The following ABCG2 variants were observed in gnomAD, a reference collection of about 807,000 sequenced individuals.
ABCG2 encodes the protein broad substrate specificity ATP-binding cassette transporter ABCG2.
ABCG2 carries 80 observed loss-of-function variants against 73.5 expected under a neutral mutation model. The observed-to-expected ratio is 1.09, with a 90% confidence interval of 0.91 to 1.31. The LOEUF is 1.31. ABCG2 is among the 50% of genes most tolerant of loss of function. ABCG2 has a pLI of 0.00. For synonymous variants in ABCG2, 269 were observed against 282.4 expected, an observed-to-expected ratio of 0.95 and a Z score of 0.48; for missense variants, 796 against 786.2, an observed-to-expected ratio of 1.01 and a Z score of -0.15.
At chr4:88,192,183 G>A (rs1455299669) in intron 1 of ABCG2, among the ~76,000 whole-genome samples, 12 of 142,690 alleles carry the variant, frequency 8.4e-5, no homozygotes, top group African/African-American at 1.3e-4. Flanking sequence ...TCTGTGTCAA[G>A]AAAAAAAAAA....
Position 88,147,027 on chromosome 4 carries a change from A to AAGAAAGAAAGAAAGAAAGAAAGAC in ABCG2, c.-19-7014_-19-7013insGTCTTTCTTTCTTTCTTTCTTTCT, listed in dbSNP as rs1726082174. 2.0e-5 allele frequency among the ~76,000 whole-genome samples: 3 copies of AAGAAAGAAAGAAAGAAAGAAAGAC among 151,274 alleles called. No individual in the cohort carries two copies. In the South Asian group the frequency reaches 6.3e-4, roughly 32 times the overall value. On this transcript the variant is annotated intron_variant, in intron 1 of 15. Transcript: ENST00000237612. ...AAAGAGAAAGAAAAGGAAAGAAAGA[A>AAGAAAGAAAGAAAGAAAGAAAGAC]AGAAAGAAAGAAAGAAAGAAAAGAA...
chr4:88,100,865 TA>T (rs1722359466), intron 11 of ABCG2, among the ~76,000 whole-genome samples: 1 of 152,132 alleles, frequency 6.6e-6, no homozygotes, highest in Non-Finnish European at 1.5e-5. Context: ...CAGTATTTAC[TA>T]AAAACAAAAT....
chr4:88,119,501 G>A (rs895933599), intron 6 of ABCG2, among the ~76,000 whole-genome samples: 3 of 152,240 alleles, frequency 2.0e-5, no homozygotes, highest in South Asian at 2.1e-4. Flanking sequence ...GAGACTTGTT[G>A]ATTGGCTTTG....
rs200473953 is a variant in ABCG2 at position 88,118,166 on chromosome 4, C to A, written c.784G>T (p.Gly262Ter). The A allele has an allele frequency of 4.4e-5, 71 of 1,614,012 alleles. No individual in the cohort carries two copies. The highest frequency in any genetic ancestry group is 5.6e-5 in the Non-Finnish European group (66 of 1,180,018). Residue 262 changes from glycine to a stop codon, truncating the protein, a stop_gained, in exon 7 of 16, where the codon GGA becomes TGA. Coordinates refer to ENST00000237612, the MANE Select transcript of ABCG2 (RefSeq NM_004827.3). LOFTEE classifies it high-confidence loss of function. Reference sequence around the variant, plus strand: ...GCAGGCCCGTGGAACATAAGTCTTCCTGAGGCCAATAAGGTGAGGCTATCA... The same window carrying A: ...GCAGGCCCGTGGAACATAAGTCTTCATGAGGCCAATAAGGTGAGGCTATCA... ...LFDSLTLLAS[G>*]RLMFHGPAQE...
chr4:88,100,276 G>A (rs1340379727), intron 11 of ABCG2, among the ~76,000 whole-genome samples: 2 of 151,894 alleles, frequency 1.3e-5, no homozygotes, highest in Non-Finnish European at 1.5e-5. Context: ...AAAGGGGGTG[G>A]ATCACCTGAG....
chr4:88,144,203 C>T (rs573523507), intron 1 of ABCG2, among the ~76,000 whole-genome samples: 8 of 152,294 alleles, frequency 5.3e-5, no homozygotes, highest in Admixed American at 1.3e-4. Context: ...TCCTAGACCC[C>T]CTGCAAAGCC....
intron 1 of ABCG2, among the ~76,000 whole-genome samples, chr4:88,191,945 C>T (rs1228566669): frequency 1.3e-5 from 2 of 152,040 alleles, no homozygotes; most frequent in Non-Finnish European, 2.9e-5. Flanking sequence ...CCGAGGTAGG[C>T]AGATTACCTG....
chr4:88,135,748 A>C (rs543856603), intron 2 of ABCG2, among the ~76,000 whole-genome samples: 33 of 152,340 alleles, frequency 2.2e-4, no homozygotes, highest in African/African-American at 7.5e-4. Flanking sequence ...TGAATAAATA[A>C]ATTTCTGCAT....
chr4:88,206,567 T>C (rs919848455), intron 1 of ABCG2: 3 of 152,226 alleles, frequency 2.0e-5, no homozygotes, highest in African/African-American at 7.2e-5. Context: ...CACTCTTCTT[T>C]TCTAAGACAG....
At chr4:88,113,603 T>A in intron 8 of ABCG2, 50 bp from the exon 9 acceptor site, 1 of 1,585,550 alleles carries the variant, frequency 6.3e-7, no homozygotes, top group Non-Finnish European at 8.6e-7. Context: ...AACAACAAAT[T>A]TAGCCCATTT....
At chr4:88,164,395 C>T (rs560283406) in intron 1 of ABCG2, among the ~76,000 whole-genome samples, 85 of 152,244 alleles carry the variant, frequency 5.6e-4, no homozygotes, top group African/African-American at 1.9e-3. Flanking sequence ...ATAATCCCCA[C>T]GTGTTGCGGG....
chr4:88,169,644 C>A (rs1184948952), intron 1 of ABCG2, among the ~76,000 whole-genome samples: 1 of 152,046 alleles, frequency 6.6e-6, no homozygotes, highest in Non-Finnish European at 1.5e-5. Context: ...TGATTATGCT[C>A]CAAACGGCAC....
At chr4:88,191,011 C>T (rs1393295473) in intron 1 of ABCG2, among the ~76,000 whole-genome samples, 3 of 150,536 alleles carry the variant, frequency 2.0e-5, no homozygotes, top group East Asian at 2.0e-4. Context: ...CTGAGGCAGG[C>T]GAATCACTAG....
intron 1 of ABCG2, among the ~76,000 whole-genome samples, chr4:88,171,362 A>G (rs886358941): frequency 1.7e-4 from 6 of 34,672 alleles, no homozygotes; most frequent in Non-Finnish European, 3.7e-4. Context: ...TGGAAATTTA[A>G]AAAAAAAATG....
At chr4:88,115,097 T>C in intron 7 of ABCG2, 39 bp from the exon 8 acceptor site, 1 of 1,429,982 alleles carries the variant, frequency 7.0e-7, no homozygotes, top group Non-Finnish European at 9.8e-7. Flanking sequence ...AACTTGATGG[T>C]CTTGGAAAAC....
At chr4:88,101,081 C>T in intron 11 of ABCG2, 149 bp downstream of exon 11, 1 of 609,366 alleles carries the variant, frequency 1.6e-6, no homozygotes, top group Non-Finnish European at 2.9e-6. Context: ...TCAATATATA[C>T]AATTTTTATT....
chr4:88,194,743 A>G (rs1560749641), intron 1 of ABCG2, among the ~76,000 whole-genome samples: 1 of 152,114 alleles, frequency 6.6e-6, no homozygotes, highest in Non-Finnish European at 1.5e-5. Flanking sequence ...AGCTGTAGGC[A>G]CGAAGGCTGA....
At chr4:88,102,138 T>G (rs964383749) in intron 10 of ABCG2, among the ~76,000 whole-genome samples, 1 of 152,198 alleles carries the variant, frequency 6.6e-6, no homozygotes, top group Non-Finnish European at 1.5e-5. Context: ...AGCAGGGCCG[T>G]GACATTATCC....
intron 9 of ABCG2, among the ~76,000 whole-genome samples, chr4:88,108,481 A>G (rs1722907798): frequency 6.6e-6 from 1 of 152,134 alleles, no homozygotes; most frequent in African/African-American, 2.4e-5. Context: ...GCAGCGAGCC[A>G]AGATCATACC....
Sources: gnomAD v4.1 joint callset for allele counts (sites outside exome capture counted in the v4.1 genomes callset) on GRCh38, gnomAD v4.1.1 for gene constraint, MANE v1.5 for transcripts, NCBI Gene and HGNC (gene_info 2026-07-23, HGNC 2026-07-21) for gene names.